The following TMEM233 variants were observed in gnomAD, a reference collection of about 807,000 sequenced individuals.
TMEM233 encodes transmembrane protein 233.
A neutral mutation model predicts 11.2 loss-of-function variants in TMEM233; 6 were observed. The observed-to-expected ratio is 0.54, with a 90% CI of 0.29 to 1.06. The LOEUF (loss-of-function observed/expected upper bound fraction) is 1.06. Ranked by LOEUF, TMEM233 falls within the 50% of genes least tolerant of loss-of-function variation. The pLI is 0.08. For missense variants in TMEM233, 127 were observed against 144.7 expected, an observed-to-expected ratio of 0.88 and a Z score of 0.63; for synonymous variants, 59 against 55.8, an observed-to-expected ratio of 1.06 and a Z score of -0.26.
downstream of TMEM233, among the ~76,000 whole-genome samples, chr12:119,643,877 C>G (rs527459724): frequency 6.6e-6 from 1 of 152,256 alleles, no homozygotes; most frequent in African/African-American, 2.4e-5. Context: ...AAGACGGAAA[C>G]TTCCAGGGAT....
intron 1 of TMEM233, among the ~76,000 whole-genome samples, chr12:119,614,411 C>CGAGAGAGAGAGAGA (rs57846015): frequency 3.5e-5 from 5 of 143,546 alleles, no homozygotes; most frequent in African/African-American, 1.0e-4. Context: ...TCCATCTCAA[C>CGAGAGAGAGAGAGA]GAGAGAGAGA....
downstream of TMEM233, among the ~76,000 whole-genome samples, chr12:119,645,316 T>G (rs1336862445): frequency 1.4e-3 from 11 of 7,644 alleles, no homozygotes; most frequent in Non-Finnish European, 4.3e-3. Context: ...GGGCCACCAA[T>G]TACCAAAAAA....
chr12:119,634,959 C>A (rs2136789242), intron 2 of TMEM233, among the ~76,000 whole-genome samples: 2 of 152,300 alleles, frequency 1.3e-5, no homozygotes, highest in East Asian at 3.9e-4. Context: ...AAATATTAAA[C>A]CATTTTGGAT....
At chr12:119,647,217 G>T (rs934428748), downstream of TMEM233, among the ~76,000 whole-genome samples, 3 of 152,200 alleles carry the variant, frequency 2.0e-5, no homozygotes, top group African/African-American at 7.2e-5. Context: ...AACTTTTTTT[G>T]TGTGTCCTTA....
intron 1 of TMEM233, among the ~76,000 whole-genome samples, chr12:119,598,575 C>A (rs1487374975): frequency 6.6e-6 from 1 of 152,064 alleles, no homozygotes; most frequent in Non-Finnish European, 1.5e-5. Flanking sequence ...CCAGTAGCAC[C>A]CCAAAATCAT....
intron 1 of TMEM233, among the ~76,000 whole-genome samples, chr12:119,601,644 C>T (rs997549893): frequency 6.7e-5 from 8 of 120,024 alleles, no homozygotes; most frequent in African/African-American, 2.3e-4. Flanking sequence ...GGCGACAGAG[C>T]GAGATTCCGC....
At chr12:119,605,454 G>A (rs1954258884) in intron 1 of TMEM233, among the ~76,000 whole-genome samples, 1 of 120,062 alleles carries the variant, frequency 8.3e-6, no homozygotes, top group South Asian at 2.8e-4. Flanking sequence ...TTGAGACAGG[G>A]CCTCACTCTG....
chr12:119,608,481 A>G (rs1167574673), intron 1 of TMEM233, among the ~76,000 whole-genome samples: 1 of 152,264 alleles, frequency 6.6e-6, no homozygotes, highest in Non-Finnish European at 1.5e-5. Flanking sequence ...AAGGAAAATG[A>G]AGGAGGCTGA....
intron 1 of TMEM233, among the ~76,000 whole-genome samples, chr12:119,602,977 A>G (rs750923729): frequency 1.1e-4 from 17 of 152,312 alleles, no homozygotes; most frequent in Non-Finnish European, 2.4e-4. Flanking sequence ...AAAGAGGGCC[A>G]GGCACGGAAG....
rs1006203602 is a variant in TMEM233 at position 119,601,428 on chromosome 12, G to A, written c.186+7394G>A. On this transcript the variant is annotated intron_variant, in intron 1 of 2. Transcript: ENST00000426426. ...TCCCAGCACTTTGGGAGGCCGAGGC[G>A]GGCGGATCACGAGGTCAGGAGACTG... Among the ~76,000 whole-genome samples the A allele has an allele frequency of 3.9e-5, 6 of 152,022 alleles. No homozygotes were observed. In the East Asian group the frequency reaches 5.8e-4, roughly 15 times the overall value.
At chr12:119,622,277 A>G (rs2136744678) in intron 1 of TMEM233, among the ~76,000 whole-genome samples, 1 of 152,358 alleles carries the variant, frequency 6.6e-6, no homozygotes, top group Non-Finnish European at 1.5e-5. Flanking sequence ...AATAAGGGTT[A>G]TCTCTGAGAA....
intron 2 of TMEM233, among the ~76,000 whole-genome samples, chr12:119,637,741 G>T (rs757191200): frequency 1.1e-4 from 16 of 152,128 alleles, no homozygotes; most frequent in Non-Finnish European, 7.4e-5. Context: ...GACCTAAGTT[G>T]CCAGCAACAA....
chr12:119,641,083 G>C lies in TMEM233; in HGVS notation c.*378G>C, dbSNP rs539868502. 50 of 216,192 alleles carry C rather than the reference G, an allele frequency of 2.3e-4. No individual in the cohort carries two copies. Among genetic ancestry groups the C allele is most frequent in the Non-Finnish European group, 3.4e-4 (37 of 109,496 alleles). The allele number at this position is 216,192 out of a possible 1,614,324, so 13.4% of individuals were successfully genotyped here. A position where few individuals can be genotyped will look rare whatever the true frequency, so the allele number is the denominator to read the frequency against. On this transcript the variant is annotated 3_prime_UTR_variant, in exon 3 of 3. Coordinates refer to ENST00000426426, the MANE Select transcript of TMEM233 (RefSeq NM_001136534.3). Reference sequence around the variant, plus strand: ...GATCCAGGGGGTCTCCATATAGGGGGAGATGGAGGTTTCTAGGAAGAGCAG... The same window carrying C: ...GATCCAGGGGGTCTCCATATAGGGGCAGATGGAGGTTTCTAGGAAGAGCAG...
chr12:119,623,979 C>T (rs766378482), intron 1 of TMEM233, among the ~76,000 whole-genome samples: 6 of 152,078 alleles, frequency 3.9e-5, no homozygotes, highest in Admixed American at 6.5e-5. Flanking sequence ...AATTTAACGA[C>T]GGTGGGCATC....
rs761218197 is a variant in TMEM233 at position 119,594,081 on chromosome 12, G to C, written c.186+47G>C. On this transcript the variant is annotated intron_variant, in intron 1 of 2. Transcript: ENST00000426426. This position sits in a 1 kb window ranked among gnomAD's most constrained non-coding sequence, Gnocchi z 5.6. ...GCAGCCTGGGAGGAGAGACCCGGGC[G>C]GCTTTGAGCCCCTGCAGGGGAGTCC... The C allele has an allele frequency of 6.5e-7, 1 of 1,539,126 alleles. No homozygotes were observed.
chr12:119,596,711 T>C (rs1372455312), intron 1 of TMEM233, among the ~76,000 whole-genome samples: 1 of 152,078 alleles, frequency 6.6e-6, no homozygotes, highest in African/African-American at 2.4e-5. Context: ...CAGGCTGATC[T>C]CAAACTCCTG....
In TMEM233 at chr12:119,615,446, CA is replaced by C. The variant is rs1333467742; in HGVS notation, c.187-14281del. Reference sequence around the variant, plus strand: ...CACTCAGGATAACCTGAAAAACTTTCAAAAAAAAATTCTGATGCTGGGGTCC... The same window carrying C: ...CACTCAGGATAACCTGAAAAACTTTCAAAAAAAATTCTGATGCTGGGGTCC... On this transcript the variant is annotated intron_variant, in intron 1 of 2. Coordinates refer to ENST00000426426, the MANE Select transcript of TMEM233 (RefSeq NM_001136534.3). 6.6e-5 allele frequency among the ~76,000 whole-genome samples: 10 copies of C among 151,466 alleles called. No individual in the cohort carries two copies. In the South Asian group the frequency reaches 8.3e-4, roughly 13 times the overall value.
At chr12:119,645,645 G>C (rs2188711), downstream of TMEM233, among the ~76,000 whole-genome samples, 118,442 of 152,166 alleles carry the variant, frequency 0.78, 46,825 homozygotes, top group Middle Eastern at 0.86. Context: ...TCTGTGCATT[G>C]CCTGCATGAG....
chr12:119,630,866 A>G (rs554852603), intron 2 of TMEM233, among the ~76,000 whole-genome samples: 12 of 152,360 alleles, frequency 7.9e-5, no homozygotes, highest in African/African-American at 2.6e-4. Flanking sequence ...TCAAACTAGC[A>G]TAACTGTTTT....
Sources: allele counts gnomAD v4.1 joint callset (sites outside exome capture counted in the v4.1 genomes callset), GRCh38; gene constraint gnomAD v4.1.1; non-coding constraint Gnocchi (gnomAD v3.1); transcripts MANE v1.5; gene names NCBI Gene and HGNC (gene_info 2026-07-23, HGNC 2026-07-21).